Variants in KLHL26 observed in about 807,000 individuals in gnomAD.
KLHL26 encodes kelch like family member 26.
A neutral mutation model predicts 7.1 loss-of-function variants in KLHL26; 4 were observed. That is an observed-to-expected ratio of 0.56 (90% confidence interval 0.28 to 1.28). The LOEUF (loss-of-function observed/expected upper bound fraction) is 1.28. KLHL26 is among the 50% of genes most tolerant of loss of function. The probability of loss-of-function intolerance (pLI) is 0.11; values close to 1 mark genes in which losing one functional copy is unlikely to be tolerated. For synonymous variants in KLHL26, 465 were observed against 414.1 expected, an observed-to-expected ratio of 1.12 and a Z score of -1.49; for missense variants, 896 against 924.6, an observed-to-expected ratio of 0.97 and a Z score of 0.40.
chr19:18,664,449 T>C lies in KLHL26; in HGVS notation c.266+6T>C. 1 of 1,554,634 alleles carries C rather than the reference T, an allele frequency of 6.4e-7. No individual in the cohort carries two copies. Among genetic ancestry groups the C allele is most frequent in the Non-Finnish European group, 8.7e-7 (1 of 1,149,908 alleles). On this transcript the variant is annotated splice_donor_region_variant and intron_variant, in intron 2 of 2. Coordinates refer to ENST00000300976, the MANE Select transcript of KLHL26 (RefSeq NM_018316.3). ...GCCTGCAGCGACTACTTCAGGTAAG[T>C]GCTGGCCCCAGGCAGCTGGAAGGGG...
At chr19:18,645,957 G>T (rs1381218649) in intron 1 of KLHL26, among the ~76,000 whole-genome samples, 2 of 152,088 alleles carry the variant, frequency 1.3e-5, no homozygotes, top group Non-Finnish European at 2.9e-5. Flanking sequence ...GCCTTTGCCT[G>T]TTGAAGCTTT....
intron 1 of KLHL26, among the ~76,000 whole-genome samples, chr19:18,657,494 G>C (rs1226782513): frequency 6.6e-6 from 1 of 151,558 alleles, no homozygotes; most frequent in African/African-American, 2.4e-5. Context: ...CCCTGTCTCT[G>C]TGTCTCTGTC....
At chr19:18,660,770 G>A (rs2052384618) in intron 1 of KLHL26, among the ~76,000 whole-genome samples, 1 of 152,228 alleles carries the variant, frequency 6.6e-6, no homozygotes, top group Non-Finnish European at 1.5e-5. Flanking sequence ...AGGGGCGGCA[G>A]TGAGGGTGAC....
chr19:18,658,595 GTC>G (rs1187106452), intron 1 of KLHL26, among the ~76,000 whole-genome samples: 1 of 141,090 alleles, frequency 7.1e-6, no homozygotes, highest in African/African-American at 2.7e-5. Flanking sequence ...GTCTCTCTAG[GTC>G]TCTGTCTCCC....
chr19:18,669,098 C>T lies in KLHL26; in HGVS notation c.1701C>T (p.Tyr567=). ...GGAAGATCTACATCGTCGGGGGCTACAACTGGCGTCTCAACAACGTCACGG... is the reference window on the plus strand; with the variant it reads ...GGAAGATCTACATCGTCGGGGGCTATAACTGGCGTCTCAACAACGTCACGG... ...LERKIYIVGG[Y]NWRLNNVTGI... The change falls in exon 3 of 3, where the codon TAC becomes TAT. Residue 567 remains tyrosine, a synonymous_variant. Coordinates refer to ENST00000300976, the MANE Select transcript of KLHL26 (RefSeq NM_018316.3). 6.2e-7 allele frequency: 1 copy of T among 1,612,940 alleles called. No individual in the cohort carries two copies. The highest frequency in any genetic ancestry group is 8.5e-7 in the Non-Finnish European group (1 of 1,179,958).
intron 1 of KLHL26, among the ~76,000 whole-genome samples, chr19:18,647,996 C>T (rs1030275506): frequency 6.6e-6 from 1 of 152,180 alleles, no homozygotes; most frequent in Non-Finnish European, 1.5e-5. Flanking sequence ...GTCGTGCGGT[C>T]ATTTCCGGGC....
chr19:18,668,822 G>A lies in KLHL26; in HGVS notation c.1425G>A (p.Lys475=). ...SGGYGISVED[K]KALHCYDPVA... is the part of the protein sequence containing the mutation. ...GCTACGGGATCTCAGTGGAGGACAA[G>A]AAGGCCCTGCACTGCTACGACCCCG... The change falls in exon 3 of 3, where the codon AAG becomes AAA. Residue 475 remains lysine (K), a synonymous_variant. Transcript: ENST00000300976. 1.9e-6 allele frequency: 3 copies of A among 1,595,472 alleles called. No homozygotes were observed. The highest frequency in any genetic ancestry group is 1.7e-6 in the Non-Finnish European group (2 of 1,177,752).
At chr19:18,665,877 C>T (rs531481249) in intron 2 of KLHL26, among the ~76,000 whole-genome samples, 123 of 152,338 alleles carry the variant, frequency 8.1e-4, no homozygotes, top group Admixed American at 1.6e-3. Flanking sequence ...CGCTCAGCCA[C>T]ACATTCCCCG....
At position 18,669,028 on chromosome 19, in the gene KLHL26, C is replaced by T. The variant is rs754196168; in HGVS notation, c.1631C>T (p.Pro544Leu). Reference protein sequence around the residue: ...PETDQWTSVSPMRAGQSEAGC... With the variant: ...PETDQWTSVSLMRAGQSEAGC... ...ACGGACCAGTGGACCAGCGTGAGCC[C>T]CATGCGGGCCGGCCAGTCAGAGGCC... The change falls in exon 3 of 3, where the codon CCC becomes CTC. Residue 544 changes from proline to leucine, a missense_variant. By Grantham distance (98) the Pro-to-Leu change is moderately conservative. Coordinates refer to ENST00000300976, the MANE Select transcript of KLHL26 (RefSeq NM_018316.3). 1 of 1,612,790 alleles carries T rather than the reference C, an allele frequency of 6.2e-7. No homozygotes were observed. The highest frequency in any genetic ancestry group is 1.1e-5 in the South Asian group (1 of 91,082).
chr19:18,664,664 C>T (rs1195711545), intron 2 of KLHL26, among the ~76,000 whole-genome samples: 2 of 152,068 alleles, frequency 1.3e-5, no homozygotes, highest in African/African-American at 4.8e-5. Context: ...TCACTGCAAC[C>T]TCCGCCTCCT....
Position 18,668,368 on chromosome 19 carries a change from G to A in KLHL26, c.971G>A (p.Arg324His), listed in dbSNP as rs777916047. The A allele has an allele frequency of 1.6e-5, 26 of 1,607,380 alleles. No homozygotes were observed. Among genetic ancestry groups the A allele is most frequent in the East Asian group, 2.2e-5 (1 of 44,812 alleles). Reference protein sequence around the residue: ...FGGTPYTDSDRSVSSKVYQLP... With the variant: ...FGGTPYTDSDHSVSSKVYQLP... ...GGCACGCCCTACACCGACAGCGACC[G>A]CTCGGTCAGCAGCAAGGTCTACCAG... The change falls in exon 3 of 3, where the codon CGC (arginine) becomes CAC (histidine). Residue 324 changes from arginine (R) to histidine (H), a missense_variant. By Grantham distance (29) the Arg-to-His change is conservative (BLOSUM62 0). Transcript: ENST00000300976.
chr19:18,640,521 G>GT (rs1976694262), intron 1 of KLHL26, among the ~76,000 whole-genome samples: 1 of 150,704 alleles, frequency 6.6e-6, no homozygotes, highest in Non-Finnish European at 1.5e-5. Context: ...GGGATTACAG[G>GT]TGTGAGCCAC....
rs924947897 is a variant in KLHL26, at chr19:18,650,822, A to G, written c.84-13439A>G. Among the ~76,000 whole-genome samples the G allele has an allele frequency of 3.9e-5, 6 of 152,154 alleles. No homozygotes were observed. Among genetic ancestry groups the G allele is most frequent in the African/African-American group, 1.4e-4 (6 of 41,448 alleles). On this transcript the variant is annotated intron_variant, in intron 1 of 2. Transcript: ENST00000300976. The surrounding 1 kb of genome is among the most constrained non-coding windows in gnomAD (Gnocchi z 4.2). ...TGGAGCCGTCTGTCTCGTCACAGAC[A>G]GGCGGGGCTGCGGCTGGGGATGGCC...
intron 1 of KLHL26, among the ~76,000 whole-genome samples, chr19:18,661,798 C>A (rs1157640027): frequency 6.6e-6 from 1 of 152,080 alleles, no homozygotes; most frequent in Non-Finnish European, 1.5e-5. Context: ...ATAAGCCCCC[C>A]GAGAGTGTGC....
chr19:18,654,603 G>A (rs1056506969), intron 1 of KLHL26, among the ~76,000 whole-genome samples: 4 of 140,034 alleles, frequency 2.9e-5, no homozygotes, highest in East Asian at 2.2e-4. Flanking sequence ...CCATTCATCC[G>A]TCCATCCGTT....
intron 1 of KLHL26, 86 bp from the exon 2 acceptor site, chr19:18,664,175 T>G (rs2052420350): frequency 7.8e-7 from 1 of 1,289,602 alleles, no homozygotes; most frequent in Non-Finnish European, 1.0e-6. Context: ...CTTTTGTGTC[T>G]GGCTTCTTGC....
chr19:18,666,496 C>G (rs2052449251), intron 2 of KLHL26, among the ~76,000 whole-genome samples: 1 of 152,164 alleles, frequency 6.6e-6, no homozygotes, highest in African/African-American at 2.4e-5. Flanking sequence ...GGGGAACACC[C>G]TAAACGCTGT....
rs575650702 is a variant in KLHL26 at position 18,665,668 on chromosome 19, G to A, written c.266+1225G>A. Among the ~76,000 whole-genome samples the A allele has an allele frequency of 5.9e-5, 9 of 152,332 alleles. No individual in the cohort carries two copies. In the South Asian group the frequency reaches 1.2e-3, roughly 21 times the overall value. ...GTCTGTCTGTCCCTGTGCCGTGGCC[G>A]GGCCGGAAGTGAGAGCACCACAGAG... On this transcript the variant is annotated intron_variant, in intron 2 of 2. Transcript: ENST00000300976.
rs1976855612 is a variant in KLHL26 at position 18,649,125 on chromosome 19, G to C, written c.83+11988G>C. 6.6e-6 allele frequency among the ~76,000 whole-genome samples: 1 copy of C among 152,200 alleles called. No homozygotes were observed. The highest frequency in any genetic ancestry group is 6.5e-5 in the Admixed American group (1 of 15,284). ...ACGGCTCAAGTGTTGTCTCCTCGGGGCCTGGCCACTGTGTCCACCGTGGCG... is the reference window on the plus strand; with the variant it reads ...ACGGCTCAAGTGTTGTCTCCTCGGGCCCTGGCCACTGTGTCCACCGTGGCG... On this transcript the variant is annotated intron_variant, in intron 1 of 2. Coordinates refer to ENST00000300976, the MANE Select transcript of KLHL26 (RefSeq NM_018316.3). This position sits in a 1 kb window ranked among gnomAD's most constrained non-coding sequence, Gnocchi z 4.0.
Sources: gnomAD v4.1 joint callset for allele counts (sites outside exome capture counted in the v4.1 genomes callset) on GRCh38, gnomAD v4.1.1 for gene constraint, Gnocchi (gnomAD v3.1) non-coding constraint, MANE v1.5 for transcripts, NCBI Gene and HGNC (gene_info 2026-07-23, HGNC 2026-07-21) for gene names.